Variants in ABCC10 observed in about 807,000 individuals in gnomAD.
ABCC10 encodes the protein ATP-binding cassette sub-family C member 10.
Under a neutral mutation model 143.2 loss-of-function variants are expected in ABCC10, and 110 were observed. That is an observed-to-expected ratio of 0.77 (90% CI 0.66 to 0.90). ABCC10 has a LOEUF of 0.90. Among genes scored for constraint, ABCC10 ranks in the 40% least tolerant of loss-of-function variants. The pLI, the probability that ABCC10 is intolerant of heterozygous loss-of-function variation, is 0.00. For synonymous variants in ABCC10, 805 were observed against 846.7 expected, an observed-to-expected ratio of 0.95 and a Z score of 0.85; for missense variants, 1,700 against 1,900.5, an observed-to-expected ratio of 0.89 and a Z score of 1.96.
intron 8 of ABCC10, among the ~76,000 whole-genome samples, chr6:43,441,349 G>A (rs1438750441): frequency 1.3e-5 from 2 of 151,034 alleles, no homozygotes; most frequent in South Asian, 2.1e-4. Context: ...GGTGGCACAC[G>A]CCTGTAGTCC....
At chr6:43,427,858 C>T in intron 1 of ABCC10, 101 bp downstream of exon 1, 1 of 1,279,528 alleles carries the variant, frequency 7.8e-7, no homozygotes, top group Non-Finnish European at 1.1e-6. Flanking sequence ...GCGGAAGCGA[C>T]GGGCGGTCCC....
Position 43,435,749 on chromosome 6 carries a change from AG to A in ABCC10, c.1609del. 1 of 1,614,034 alleles carries A rather than the reference AG, an allele frequency of 6.2e-7. No homozygotes were observed. On this transcript the variant is annotated splice_acceptor_variant, in intron 4 of 21. Transcript: ENST00000372530. LOFTEE classifies it high-confidence loss of function. ...GCTTCACCCTGCACCCACCTCACTC[AG>A]GTGTTCACGGCCCTGGCACTGGTGC...
chr6:43,432,298 C>T lies in ABCC10; in HGVS notation c.318C>T (p.Cys106=), dbSNP rs113506418. ...TAGGGCTAGAGGTGTTGGCAGGGTG[C>T]GTGGCAGCTGTGGCCTGGATCAGCC... ...GPIGLEVLAG[C]VAAVAWISHS... is the part of the protein sequence containing the mutation. Residue 106 remains cysteine (C), a synonymous_variant, in exon 3 of 22, where the codon TGC becomes TGT. Transcript: ENST00000372530. The T allele has an allele frequency of 2.9e-5, 47 of 1,614,052 alleles. No homozygotes were observed. The East Asian group carries it at 6.9e-4, about 24-fold the overall frequency.
Position 43,450,225 on chromosome 6 carries a change from C to A in ABCC10, c.*134C>A. 1 of 1,129,554 alleles carries A rather than the reference C, an allele frequency of 8.9e-7. No individual in the cohort carries two copies. Among genetic ancestry groups the A allele is most frequent in the Non-Finnish European group, 1.2e-6 (1 of 804,574 alleles). The allele number at this position is 1,129,554 out of a possible 1,614,324, so 70.0% of individuals were successfully genotyped here. The stretch of plus-strand genomic sequence containing the variant: ...CACTTCCCCAGAAGGGAAAAGGGCA[C>A]CCTGGATTACTCTTTGGAAATCACT... On this transcript the variant is annotated 3_prime_UTR_variant, in exon 22 of 22. Coordinates refer to ENST00000372530, the MANE Select transcript of ABCC10 (RefSeq NM_001198934.2). This position sits in a 1 kb window ranked among gnomAD's most constrained non-coding sequence, Gnocchi z 4.5.
chr6:43,446,251 C>A, intron 15 of ABCC10, 26 bp from the exon 16 acceptor site: 1 of 1,602,942 alleles, frequency 6.2e-7, no homozygotes, highest in Non-Finnish European at 8.5e-7. Flanking sequence ...AGTGGAGTGG[C>A]TTCACATCCC....
rs1302798925 is a variant in ABCC10, at chr6:43,427,720, G to C, written c.-49G>C. 1.8e-6 allele frequency: 1 copy of C among 571,362 alleles called. No individual in the cohort carries two copies. Among genetic ancestry groups the C allele is most frequent in the Non-Finnish European group, 3.2e-6 (1 of 317,414 alleles). The allele number at this position is 571,362 out of a possible 1,614,324, so 35.4% of individuals were successfully genotyped here. Reference sequence around the variant, plus strand: ...TTCAGGTTTGAGGTTCCGGATGCCTGGGGGCGGAGAAACGGGAGGGGAAAA... The same window carrying C: ...TTCAGGTTTGAGGTTCCGGATGCCTCGGGGCGGAGAAACGGGAGGGGAAAA... On this transcript the variant is annotated 5_prime_UTR_variant, in exon 1 of 22. Coordinates refer to ENST00000372530, the MANE Select transcript of ABCC10 (RefSeq NM_001198934.2).
chr6:43,449,777 C>T, intron 21 of ABCC10, 152 bp from the exon 22 acceptor site: 3 of 954,882 alleles, frequency 3.1e-6, no homozygotes, highest in Non-Finnish European at 4.7e-6. Context: ...ATCTGAGGGA[C>T]TCTGCAGTCC....
At chr6:43,446,622 G>A in intron 16 of ABCC10, 176 bp downstream of exon 16, 1 of 985,240 alleles carries the variant, frequency 1.0e-6, no homozygotes, top group South Asian at 4.7e-5. Context: ...ATCCCCAGGA[G>A]GGACTTGCCC....
chr6:43,431,018 C>T (rs1781068869), intron 2 of ABCC10, among the ~76,000 whole-genome samples: 2 of 152,156 alleles, frequency 1.3e-5, no homozygotes, highest in South Asian at 4.1e-4. Flanking sequence ...GCCACTGTGA[C>T]CAGCCCCTGT....
intron 4 of ABCC10, 56 bp from the exon 5 acceptor site, chr6:43,435,695 T>A: frequency 6.3e-7 from 1 of 1,585,274 alleles, no homozygotes; most frequent in Non-Finnish European, 8.6e-7. Flanking sequence ...GGGCTTCCCA[T>A]AGAAACAGGC....
rs370839293 is a variant in ABCC10 at position 43,447,786 on chromosome 6, G to T, written c.3808G>T (p.Val1270Leu). Residue 1270 changes from valine (V) to leucine (L), a missense_variant, in exon 18 of 22, where the codon GTG becomes TTG. Transcript: ENST00000372530. The part of the protein sequence containing the change: ...PNALDGVTFC[V>L]QPGEKLGIVG... ...TGCCCTGGATGGAGTGACCTTCTGC[G>T]TGCAGCCTGGAGAGAAGTTGGGCAT... The T allele has an allele frequency of 6.2e-7, 1 of 1,613,632 alleles. No homozygotes were observed. Among genetic ancestry groups the T allele is most frequent in the Non-Finnish European group, 8.5e-7 (1 of 1,180,004 alleles).
In ABCC10 at chr6:43,432,807, C is replaced by G; in HGVS notation, c.827C>G (p.Ala276Gly). The G allele has an allele frequency of 1.9e-6, 3 of 1,614,156 alleles. No homozygotes were observed. Among genetic ancestry groups the G allele is most frequent in the Non-Finnish European group, 2.5e-6 (3 of 1,180,034 alleles). Residue 276 changes from alanine (A) to glycine (G), a missense_variant, in exon 3 of 22, where the codon GCC (alanine) becomes GGC (glycine). By Grantham distance (60) the Ala-to-Gly change is moderately conservative. Transcript: ENST00000372530. ...CAGGAGGGGGCACGGCTGTGGAGGG[C>G]CTTGTATGGGGCCTTTGGACGGTGC... ...HWQEGARLWR[A>G]LYGAFGRCYL...
chr6:43,429,371 CTTGT>C (rs1780865424), intron 2 of ABCC10, among the ~76,000 whole-genome samples: 10 of 79,534 alleles, frequency 1.3e-4, no homozygotes, highest in South Asian at 7.9e-4. Context: ...TCTTTTCTTT[CTTGT>C]GTGTGTGTGT....
Position 43,446,047 on chromosome 6 carries a change from G to A in ABCC10, c.3374+105G>A, listed in dbSNP as rs575575570. 1,229 of 1,314,676 alleles carry A rather than the reference G, an allele frequency of 9.3e-4. 5 individuals carry two copies. The highest frequency in any genetic ancestry group is 3.1e-3 in the Middle Eastern group (14 of 4,520). 81.4% of individuals were successfully genotyped at this position (1,314,676 alleles called of 1,614,324 possible). On this transcript the variant is annotated intron_variant, in intron 15 of 21. Coordinates refer to ENST00000372530, the MANE Select transcript of ABCC10 (RefSeq NM_001198934.2). ...GTATGGTTGGTTCAGCCCTCCTGGG[G>A]ACAAGGGATGGGGAAGGAGGAAAGC...
intron 4 of ABCC10, 113 bp from the exon 5 acceptor site, chr6:43,435,638 T>A (rs1412581400): frequency 1.5e-6 from 2 of 1,305,844 alleles, no homozygotes; most frequent in African/African-American, 3.0e-5. Flanking sequence ...CAGCCAGCCC[T>A]TCAGTTCTGT....
intron 8 of ABCC10, among the ~76,000 whole-genome samples, chr6:43,439,998 T>C (rs1782190831): frequency 1.3e-5 from 2 of 149,970 alleles, no homozygotes; most frequent in South Asian, 2.1e-4. Flanking sequence ...GCTCTGTCGC[T>C]CAGGCTGGAG....
intron 8 of ABCC10, among the ~76,000 whole-genome samples, chr6:43,439,025 C>T (rs1167107865): frequency 6.6e-6 from 1 of 152,174 alleles, no homozygotes; most frequent in Non-Finnish European, 1.5e-5. Flanking sequence ...GCCCTAAGGC[C>T]TCTGGAGCTA....
chr6:43,431,569 C>T (rs1425376286), intron 2 of ABCC10, among the ~76,000 whole-genome samples: 2 of 152,154 alleles, frequency 1.3e-5, no homozygotes, highest in African/African-American at 4.8e-5. Context: ...ACCATGTTGG[C>T]CAGGCTGGTC....
chr6:43,437,433 CAA>C (rs57827467), intron 6 of ABCC10, among the ~76,000 whole-genome samples: 15,085 of 95,044 alleles, frequency 0.16, 765 homozygotes, highest in African/African-American at 0.17. Flanking sequence ...AACATATGAC[CAA>C]AAAAAAAAAA....
Sources: allele counts gnomAD v4.1 joint callset (sites outside exome capture counted in the v4.1 genomes callset), GRCh38; gene constraint gnomAD v4.1.1; non-coding constraint Gnocchi (gnomAD v3.1); transcripts MANE v1.5; gene names NCBI Gene and HGNC (gene_info 2026-07-23, HGNC 2026-07-21).